ZNF804B: variants seen among roughly 807,000 people sequenced by gnomAD.
ZNF804B encodes zinc finger protein 804B.
Under a neutral mutation model 101.4 loss-of-function variants are expected in ZNF804B, and 80 were observed. The observed-to-expected ratio is 0.79, with a 90% confidence interval of 0.66 to 0.95. The LOEUF (loss-of-function observed/expected upper bound fraction) is 0.95, where lower values mean the gene tolerates loss of function less well. Ranked by LOEUF, ZNF804B falls within the 40% of genes least tolerant of loss-of-function variation. ZNF804B has a pLI of 0.00. For missense variants in ZNF804B, 1,673 were observed against 1,561.9 expected (o/e 1.07, Z -1.20); for synonymous variants, 622 against 558.8 (o/e 1.11, Z -1.59).
chr7:89,080,168 G>C (rs1356747751), intron 1 of ZNF804B, among the ~76,000 whole-genome samples: 1 of 151,738 alleles, frequency 6.6e-6, no homozygotes, highest in Non-Finnish European at 1.5e-5. Flanking sequence ...GGTGGTGACA[G>C]GTAATCAAAG....
At chr7:89,088,629 C>G (rs921497045) in intron 1 of ZNF804B, among the ~76,000 whole-genome samples, 3 of 146,454 alleles carry the variant, frequency 2.0e-5, no homozygotes, top group Non-Finnish European at 3.0e-5. Flanking sequence ...TCTATCACTC[C>G]TGCATCCTAG....
At chr7:89,275,401 G>A (rs1192066649) in intron 2 of ZNF804B, among the ~76,000 whole-genome samples, 1 of 151,964 alleles carries the variant, frequency 6.6e-6, no homozygotes, top group East Asian at 1.9e-4. Flanking sequence ...TTATGATTGG[G>A]TCAAAACCCT....
intron 1 of ZNF804B, among the ~76,000 whole-genome samples, chr7:89,213,207 G>C (rs757037917): frequency 6.6e-6 from 1 of 152,164 alleles, no homozygotes; most frequent in Non-Finnish European, 1.5e-5. Context: ...GATGCAGAAA[G>C]ATGATGGATG....
chr7:89,279,409 A>C (rs913980394), intron 2 of ZNF804B, among the ~76,000 whole-genome samples: 1 of 150,692 alleles, frequency 6.6e-6, no homozygotes, highest in African/African-American at 2.4e-5. Context: ...GTGGTGAGAG[A>C]GGGCATCCCT....
chr7:89,027,332 C>G (rs116044543), intron 1 of ZNF804B, among the ~76,000 whole-genome samples: 1,529 of 151,958 alleles, frequency 0.01, 20 homozygotes, highest in African/African-American at 0.035. Context: ...TGAGGATGTT[C>G]GATAGGAAAA....
At chr7:89,063,425 A>T (rs1484158291) in intron 1 of ZNF804B, among the ~76,000 whole-genome samples, 2 of 152,190 alleles carry the variant, frequency 1.3e-5, no homozygotes, top group Admixed American at 1.3e-4. Flanking sequence ...GCTCAAATGT[A>T]AATCAAACTG....
rs770732698 is a variant in ZNF804B, at chr7:89,336,600, C to T, written c.3618C>T (p.Ile1206=). ...TTCCAGTTCACCAGCACACTTCTAT[C>T]ACCACCATCCACCACACGTTCCTGC... ...QTVPVHQHTS[I]TTIHHTFLQH... The change falls in exon 4 of 4, where the codon ATC becomes ATT. Residue 1206 remains isoleucine (I), a synonymous_variant. Coordinates refer to ENST00000333190, the MANE Select transcript of ZNF804B (RefSeq NM_181646.5). The T allele has an allele frequency of 3.7e-6, 6 of 1,614,132 alleles. No homozygotes were observed. The highest frequency in any genetic ancestry group is 5.1e-6 in the Non-Finnish European group (6 of 1,179,984).
At chr7:89,135,443 T>C (rs1211747979) in intron 1 of ZNF804B, among the ~76,000 whole-genome samples, 1 of 152,112 alleles carries the variant, frequency 6.6e-6, no homozygotes, top group South Asian at 2.1e-4. Context: ...TTTTCTTCTG[T>C]TTGTATCAAG....
At chr7:88,987,778 T>C (rs374302514) in intron 1 of ZNF804B, among the ~76,000 whole-genome samples, 2 of 152,240 alleles carry the variant, frequency 1.3e-5, no homozygotes, top group South Asian at 4.1e-4. Context: ...AGTCTTCTCT[T>C]CTAGCTACTT....
At chr7:89,332,338 G>A (rs1390587745) in intron 3 of ZNF804B, among the ~76,000 whole-genome samples, 1 of 151,780 alleles carries the variant, frequency 6.6e-6, no homozygotes, top group Non-Finnish European at 1.5e-5. Flanking sequence ...GCAACATATG[G>A]AAGAGATACC....
chr7:88,846,310 A>C (rs1273800424), intron 1 of ZNF804B, among the ~76,000 whole-genome samples: 1 of 152,238 alleles, frequency 6.6e-6, no homozygotes, highest in Non-Finnish European at 1.5e-5. Context: ...GTAGAAAAAA[A>C]CTATGTGCCA....
At chr7:89,087,724 G>C (rs1303713861) in intron 1 of ZNF804B, among the ~76,000 whole-genome samples, 1 of 151,830 alleles carries the variant, frequency 6.6e-6, no homozygotes, top group Non-Finnish European at 1.5e-5. Context: ...TTTATCTTCT[G>C]TGTGACACAT....
intron 1 of ZNF804B, among the ~76,000 whole-genome samples, chr7:88,899,623 A>G (rs1792358855): frequency 6.6e-6 from 1 of 152,034 alleles, no homozygotes; most frequent in African/African-American, 2.4e-5. Flanking sequence ...ATAATGGATT[A>G]TTTGCTTTTT....
At chr7:89,146,830 C>T (rs145199372) in intron 1 of ZNF804B, among the ~76,000 whole-genome samples, 1 of 151,652 alleles carries the variant, frequency 6.6e-6, no homozygotes, top group Non-Finnish European at 1.5e-5. Flanking sequence ...AGTTCAAGAC[C>T]AGCATGGGCA....
intron 2 of ZNF804B, among the ~76,000 whole-genome samples, chr7:89,299,562 T>C (rs1790445401): frequency 6.6e-6 from 1 of 152,022 alleles, no homozygotes; most frequent in African/African-American, 2.4e-5. Context: ...CAAATACAAG[T>C]TAAAAGAAAA....
chr7:89,308,753 A>C (rs980018382), intron 2 of ZNF804B, among the ~76,000 whole-genome samples: 2 of 152,104 alleles, frequency 1.3e-5, no homozygotes, highest in Admixed American at 1.3e-4. Flanking sequence ...AAATATTTTC[A>C]GTTTTGCAGC....
chr7:89,029,492 T>A (rs992587209), intron 1 of ZNF804B, among the ~76,000 whole-genome samples: 2 of 152,186 alleles, frequency 1.3e-5, no homozygotes, highest in African/African-American at 4.8e-5. Flanking sequence ...GGAATCAGAC[T>A]AAGTTTCTAG....
At chr7:89,176,177 A>G (rs1314073111) in intron 1 of ZNF804B, among the ~76,000 whole-genome samples, 3 of 151,900 alleles carry the variant, frequency 2.0e-5, no homozygotes, top group African/African-American at 7.2e-5. Context: ...CATTCATGAT[A>G]CCATGAATGG....
At chr7:88,793,977 A>G in intron 1 of ZNF804B, 1 of 413,966 alleles carries the variant, frequency 2.4e-6, no homozygotes, top group Non-Finnish European at 4.2e-6. Flanking sequence ...CTACCTAGTA[A>G]AATAATGTAT....
Sources: gnomAD v4.1 joint callset for allele counts (sites outside exome capture counted in the v4.1 genomes callset) on GRCh38, gnomAD v4.1.1 for gene constraint, MANE v1.5 for transcripts, NCBI Gene and HGNC (gene_info 2026-07-23, HGNC 2026-07-21) for gene names.